CCDC91: variants seen among roughly 807,000 people sequenced by gnomAD.
The protein encoded by CCDC91 is coiled-coil domain-containing protein 91.
CCDC91 carries 48 observed loss-of-function variants against 63.2 expected under a neutral mutation model. The observed-to-expected ratio is 0.76, with a 90% confidence interval of 0.60 to 0.97. The LOEUF is 0.97. Ranked by LOEUF, CCDC91 falls within the 50% of genes least tolerant of loss-of-function variation. The pLI, the probability that CCDC91 is intolerant of heterozygous loss-of-function variation, is 0.00. For missense variants in CCDC91, 500 were observed against 494.6 expected, an observed-to-expected ratio of 1.01 and a Z score of -0.10; for synonymous variants, 167 against 165.8, an observed-to-expected ratio of 1.01 and a Z score of -0.06.
At chr12:28,430,223 C>A (rs1948557523) in intron 8 of CCDC91, among the ~76,000 whole-genome samples, 1 of 151,746 alleles carries the variant, frequency 6.6e-6, no homozygotes, top group African/African-American at 2.4e-5. Context: ...CCCCAAAAAT[C>A]AAAATGATAG....
intron 12 of CCDC91, among the ~76,000 whole-genome samples, chr12:28,537,007 T>C (rs537816613): frequency 4.5e-4 from 68 of 152,288 alleles, no homozygotes; most frequent in African/African-American, 1.5e-3. Flanking sequence ...GGGGAAAACC[T>C]ACTATCATAT....
rs1350653058 is a variant in CCDC91 at position 28,412,941 on chromosome 12, T to A, written c.762+21530T>A. 4 of 331,986 alleles carry A rather than the reference T, an allele frequency of 1.2e-5. No homozygotes were observed. In the East Asian group the frequency reaches 2.8e-4, roughly 23 times the overall value. 20.6% of individuals were successfully genotyped at this position (331,986 alleles called of 1,614,324 possible). ...CAATTCCACCAGGAAGAATAAAGGT[T>A]AGTCACTGAAGATAACTTTAAATCC... On this transcript the variant is annotated intron_variant, in intron 8 of 12. Coordinates refer to ENST00000536442, the MANE Select transcript of CCDC91 (RefSeq NM_018318.5).
intron 7 of CCDC91, among the ~76,000 whole-genome samples, chr12:28,383,634 A>T (rs1945426853): frequency 6.6e-6 from 1 of 152,046 alleles, no homozygotes; most frequent in African/African-American, 2.4e-5. Flanking sequence ...CTGGACTTGA[A>T]TTTGGATCCA....
At chr12:28,358,190 T>TTTTTTAA (rs1428752564) in intron 6 of CCDC91, among the ~76,000 whole-genome samples, 2 of 152,182 alleles carry the variant, frequency 1.3e-5, no homozygotes, top group African/African-American at 4.8e-5. Context: ...CCCAAAAAAT[T>TTTTTTAA]TTTTTAATTT....
chr12:28,273,366 T>G (rs963793057), intron 3 of CCDC91, among the ~76,000 whole-genome samples: 29 of 152,060 alleles, frequency 1.9e-4, no homozygotes, highest in African/African-American at 3.9e-4. Flanking sequence ...GTAATGGGAT[T>G]GCTGGGTCAA....
intron 6 of CCDC91, among the ~76,000 whole-genome samples, chr12:28,328,240 C>T (rs1243532257): frequency 6.6e-6 from 1 of 151,978 alleles, no homozygotes; most frequent in African/African-American, 2.4e-5. Flanking sequence ...CTGTTTGTAG[C>T]TTTGGTTGTT....
At chr12:28,435,148 T>G (rs1486928008) in intron 8 of CCDC91, among the ~76,000 whole-genome samples, 1 of 151,706 alleles carries the variant, frequency 6.6e-6, no homozygotes, top group Non-Finnish European at 1.5e-5. Context: ...TGATTTCTGC[T>G]CTTATTTGTA....
chr12:28,443,432 A>G (rs1949336621), intron 8 of CCDC91, among the ~76,000 whole-genome samples: 1 of 152,100 alleles, frequency 6.6e-6, no homozygotes, highest in African/African-American at 2.4e-5. Context: ...AAGAGGCTAT[A>G]TAGAGCAAAG....
chr12:28,216,256 A>C (rs754654004), intron 1 of CCDC91, among the ~76,000 whole-genome samples: 4 of 151,646 alleles, frequency 2.6e-5, no homozygotes, highest in East Asian at 1.9e-4. Flanking sequence ...TTGTTCATCA[A>C]CTCTCACTAG....
intron 7 of CCDC91, among the ~76,000 whole-genome samples, chr12:28,381,384 C>A (rs1298339836): frequency 6.6e-6 from 1 of 151,418 alleles, no homozygotes; most frequent in Non-Finnish European, 1.5e-5. Flanking sequence ...ATCAAAATAT[C>A]ATTTTTTTTT....
intron 12 of CCDC91, among the ~76,000 whole-genome samples, chr12:28,501,376 G>A (rs989598848): frequency 2.0e-5 from 3 of 151,742 alleles, no homozygotes; most frequent in African/African-American, 2.4e-5. Flanking sequence ...TTTGAGATAC[G>A]TCCCATCAAT....
intron 8 of CCDC91, among the ~76,000 whole-genome samples, chr12:28,432,883 T>C (rs191732470): frequency 2.0e-5 from 3 of 152,222 alleles, no homozygotes; most frequent in Admixed American, 2.0e-4. Context: ...CAAAAGCCTT[T>C]GGTGATTTCA....
At chr12:28,368,364 T>C (rs142378205) in intron 7 of CCDC91, among the ~76,000 whole-genome samples, 166 of 152,368 alleles carry the variant, frequency 1.1e-3, no homozygotes, top group African/African-American at 3.7e-3. Context: ...TTAAAATTAC[T>C]GAGGCTTATT....
At chr12:28,198,304 T>C (rs1591946328) in intron 1 of CCDC91, among the ~76,000 whole-genome samples, 1 of 152,204 alleles carries the variant, frequency 6.6e-6, no homozygotes, top group African/African-American at 2.4e-5. Context: ...GCTGCAGTGT[T>C]ATGCAAGATC....
intron 8 of CCDC91, among the ~76,000 whole-genome samples, chr12:28,399,588 C>G (rs1946493166): frequency 6.6e-6 from 1 of 152,230 alleles, no homozygotes; most frequent in Non-Finnish European, 1.5e-5. Context: ...TCATTTGAGA[C>G]AAGGCAGATC....
At chr12:28,219,294 T>A (rs1592018594) in intron 1 of CCDC91, among the ~76,000 whole-genome samples, 1 of 152,164 alleles carries the variant, frequency 6.6e-6, no homozygotes, top group African/African-American at 2.4e-5. Flanking sequence ...TTAGGTTATC[T>A]TATTATTTAT....
chr12:28,240,652 C>G (rs1397893297), intron 1 of CCDC91, among the ~76,000 whole-genome samples: 2 of 151,090 alleles, frequency 1.3e-5, no homozygotes, highest in Non-Finnish European at 2.9e-5. Flanking sequence ...TTTTTTTTCA[C>G]TCAGTGTAAT....
At chr12:28,477,238 C>A (rs149487592) in intron 11 of CCDC91, among the ~76,000 whole-genome samples, 31,744 of 152,002 alleles carry the variant, frequency 0.21, 4,342 homozygotes, top group Non-Finnish European at 0.31. Context: ...ACTGGCAAAC[C>A]GAATCCAGCA....
At chr12:28,450,014 TCCTGAAC>T in intron 8 of CCDC91, 140 bp from the exon 9 acceptor site, 1 of 501,436 alleles carries the variant, frequency 2.0e-6, no homozygotes, top group South Asian at 3.6e-5. Flanking sequence ...TGTTTTTTTC[TCCTGAAC>T]CTTCGTTTTA....
Sources: allele counts gnomAD v4.1 joint callset (sites outside exome capture counted in the v4.1 genomes callset), GRCh38; gene constraint gnomAD v4.1.1; transcripts MANE v1.5; gene names NCBI Gene and HGNC (gene_info 2026-07-23, HGNC 2026-07-21).